Variants in DLGAP2 observed in about 807,000 individuals in gnomAD.
DLGAP2 encodes disks large-associated protein 2.
DLGAP2 carries 26 observed loss-of-function variants against 100.3 expected under a neutral mutation model. That is an observed-to-expected ratio of 0.26 (90% CI 0.19 to 0.36). DLGAP2 has a LOEUF of 0.36. Ranked by LOEUF, DLGAP2 falls within the 10% of genes least tolerant of loss-of-function variation. DLGAP2 has a pLI of 1.00. For synonymous variants in DLGAP2, 886 were observed against 630.1 expected, an observed-to-expected ratio of 1.41 and a Z score of -6.08; for missense variants, 1,858 against 1,453.2, an observed-to-expected ratio of 1.28 and a Z score of -4.53.
At chr8:1,103,313 A>G (rs1255126343) in intron 2 of DLGAP2, among the ~76,000 whole-genome samples, 1 of 152,120 alleles carries the variant, frequency 6.6e-6, no homozygotes. Flanking sequence ...TCAGAGTCGT[A>G]TGGCCTTGGT....
intron 2 of DLGAP2, among the ~76,000 whole-genome samples, chr8:1,130,760 T>C (rs1359280713): frequency 1.3e-5 from 2 of 152,172 alleles, no homozygotes; most frequent in African/African-American, 4.8e-5. Context: ...GGTGCAGTCA[T>C]CTTTGCGGGA....
chr8:1,604,208 C>T (rs918144841), intron 6 of DLGAP2, among the ~76,000 whole-genome samples: 4 of 152,074 alleles, frequency 2.6e-5, no homozygotes, highest in Non-Finnish European at 4.4e-5. Context: ...TAGGTAACTG[C>T]GGGAGAAGGG....
intron 8 of DLGAP2, among the ~76,000 whole-genome samples, chr8:1,652,979 G>A (rs17064176): frequency 6.6e-6 from 1 of 151,918 alleles, no homozygotes; most frequent in Non-Finnish European, 1.5e-5. Flanking sequence ...CATGAGAGTC[G>A]CAATTTCCTG....
chr8:943,670 A>G lies in DLGAP2; in HGVS notation c.73+35704A>G, dbSNP rs147927110. Among the ~76,000 whole-genome samples the G allele has an allele frequency of 2.2e-3, 274 of 126,096 alleles. 4 individuals carry two copies. Among genetic ancestry groups the G allele is most frequent in the African/African-American group, 7.9e-3 (262 of 33,220 alleles). The allele number at this position is 126,096 out of a possible 152,430, so 82.7% of individuals were successfully genotyped here. On this transcript the variant is annotated intron_variant, in intron 2 of 14. Transcript: ENST00000637795. ...TCCCGCCACAAGCACGGCAAGAACCACTGTGTACAAGATCATGTGGAGGAT... is the reference window on the plus strand; with the variant it reads ...TCCCGCCACAAGCACGGCAAGAACCGCTGTGTACAAGATCATGTGGAGGAT...
intron 3 of DLGAP2, among the ~76,000 whole-genome samples, chr8:1,285,826 G>A (rs568838493): frequency 7.2e-5 from 11 of 152,196 alleles, no homozygotes; most frequent in African/African-American, 2.4e-4. Context: ...AAAATGAGCT[G>A]GGCGTAGTGG....
chr8:1,004,733 T>C (rs919988186), intron 2 of DLGAP2, among the ~76,000 whole-genome samples: 2 of 152,112 alleles, frequency 1.3e-5, no homozygotes, highest in East Asian at 1.9e-4. Context: ...AGCTGGGAGG[T>C]CGGCTTCACA....
chr8:796,885 C>T lies in DLGAP2; in HGVS notation c.18+59060C>T, dbSNP rs116474951. On this transcript the variant is annotated intron_variant, in intron 1 of 14. Coordinates refer to ENST00000637795, the MANE Select transcript of DLGAP2 (RefSeq NM_001346810.2). ...CCTTAGTGCAGCCCCCTTCACCCCA[C>T]CCTTTTTGCTCAGCAAACACCTACT... Among the ~76,000 whole-genome samples the T allele has an allele frequency of 1.0e-3, 158 of 151,562 alleles. 1 individual carries two copies. Among genetic ancestry groups the T allele is most frequent in the African/African-American group, 3.7e-3 (154 of 41,522 alleles).
chr8:1,267,244 TAAATAAAATAAAATAAAATA>T (rs199767284), intron 3 of DLGAP2, among the ~76,000 whole-genome samples: 3 of 138,784 alleles, frequency 2.2e-5, no homozygotes, highest in African/African-American at 5.4e-5. Context: ...AATAAATAAA[TAAATAAAATAAAATAAAATA>T]AAATAAAATA....
At position 1,511,701 on chromosome 8, in the gene DLGAP2, C is replaced by T. The variant is rs573271862; in HGVS notation, c.172+10270C>T. ...AGGACAATCAATAGATGACCATCTT[C>T]CATGGACGTAAGTGCTGTCTAGTGT... On this transcript the variant is annotated intron_variant, in intron 4 of 14. Transcript: ENST00000637795. 4.6e-5 allele frequency among the ~76,000 whole-genome samples: 7 copies of T among 151,322 alleles called. No individual in the cohort carries two copies. In the East Asian group the frequency reaches 7.8e-4, roughly 17 times the overall value.
intron 4 of DLGAP2, among the ~76,000 whole-genome samples, chr8:1,513,630 G>A (rs1800256212): frequency 6.6e-6 from 1 of 152,214 alleles, no homozygotes; most frequent in Non-Finnish European, 1.5e-5. Context: ...ACCTTGCTAA[G>A]CCCTCCTGGT....
intron 4 of DLGAP2, among the ~76,000 whole-genome samples, chr8:1,519,382 T>C (rs1168580879): frequency 1.3e-5 from 2 of 152,206 alleles, no homozygotes; most frequent in African/African-American, 4.8e-5. Flanking sequence ...TGCCCGAAAT[T>C]CAGTGTTTTG....
chr8:1,413,465 T>A (rs1796791092), intron 3 of DLGAP2, among the ~76,000 whole-genome samples: 1 of 152,234 alleles, frequency 6.6e-6, no homozygotes, highest in Non-Finnish European at 1.5e-5. Flanking sequence ...AAAGTCACTA[T>A]GCATATTTTA....
At position 1,678,197 on chromosome 8, in the gene DLGAP2, C is replaced by A; in HGVS notation, c.2289-17C>A. 6.3e-7 allele frequency: 1 copy of A among 1,593,516 alleles called. No homozygotes were observed. The highest frequency in any genetic ancestry group is 1.1e-5 in the South Asian group (1 of 87,500). ...CTCAGAAGGGCTACCATCTGTCTTCCTTCCCTCCTTTTGCAGACACGGACG... is the reference window on the plus strand; with the variant it reads ...CTCAGAAGGGCTACCATCTGTCTTCATTCCCTCCTTTTGCAGACACGGACG... On this transcript the variant is annotated splice_polypyrimidine_tract_variant and intron_variant, in intron 11 of 14. Transcript: ENST00000637795.
intron 4 of DLGAP2, among the ~76,000 whole-genome samples, chr8:1,523,515 G>C (rs978283318): frequency 1.3e-5 from 2 of 152,176 alleles, no homozygotes; most frequent in African/African-American, 2.4e-5. Flanking sequence ...GCCTTAGACG[G>C]GGGGGAAGGA....
chr8:1,151,299 T>G (rs1031147342), intron 2 of DLGAP2, among the ~76,000 whole-genome samples: 5 of 152,118 alleles, frequency 3.3e-5, no homozygotes, highest in Non-Finnish European at 5.9e-5. Context: ...CATTTTTACA[T>G]GCACAGTAAA....
In DLGAP2 at chr8:1,083,198, C is replaced by T; in HGVS notation, c.73+175232C>T. Among the ~76,000 whole-genome samples the T allele has an allele frequency of 1.3e-5, 2 of 152,178 alleles. 1 individual carries two copies. Among genetic ancestry groups the T allele is most frequent in the Non-Finnish European group, 2.9e-5 (2 of 68,040 alleles). On this transcript the variant is annotated intron_variant, in intron 2 of 14. Coordinates refer to ENST00000637795, the MANE Select transcript of DLGAP2 (RefSeq NM_001346810.2). ...GAAAGGAATTTTTCACGTGGATCCTCTACAGGGGCATCGCGTAACACAAAT... is the reference window on the plus strand; with the variant it reads ...GAAAGGAATTTTTCACGTGGATCCTTTACAGGGGCATCGCGTAACACAAAT...
chr8:1,120,504 T>A (rs1462894487), intron 2 of DLGAP2, among the ~76,000 whole-genome samples: 1 of 152,068 alleles, frequency 6.6e-6, no homozygotes, highest in African/African-American at 2.4e-5. Context: ...CAGCCACCCA[T>A]CCTTCGGAAC....
At chr8:1,350,182 G>C (rs1202710234) in intron 3 of DLGAP2, among the ~76,000 whole-genome samples, 1 of 151,234 alleles carries the variant, frequency 6.6e-6, no homozygotes, top group Non-Finnish European at 1.5e-5. Flanking sequence ...GCGTGGAAAG[G>C]CCGCGCGGGT....
At chr8:994,613 G>C (rs1800734974) in intron 2 of DLGAP2, among the ~76,000 whole-genome samples, 1 of 152,186 alleles carries the variant, frequency 6.6e-6, no homozygotes, top group Admixed American at 6.5e-5. Flanking sequence ...GAACACGGTA[G>C]GTGGGAGGGC....
Sources: allele counts gnomAD v4.1 joint callset (sites outside exome capture counted in the v4.1 genomes callset), GRCh38; gene constraint gnomAD v4.1.1; transcripts MANE v1.5; gene names NCBI Gene and HGNC (gene_info 2026-07-23, HGNC 2026-07-21).